The following STK11 variants were observed in gnomAD, a reference collection of about 807,000 sequenced individuals.
STK11 encodes the protein serine/threonine kinase 11.
STK11 carries 8 observed loss-of-function variants against 47.3 expected under a neutral mutation model. The ratio of observed to expected loss-of-function variants is 0.17; its 90% CI spans 0.10 to 0.31. The LOEUF (loss-of-function observed/expected upper bound fraction) is 0.31, where lower values mean the gene tolerates loss of function less well. Among genes scored for constraint, STK11 ranks in the 10% least tolerant of loss-of-function variants. The pLI is 1.00. For synonymous variants in STK11, 330 were observed against 255.8 expected (o/e 1.29, Z -2.77); for missense variants, 475 against 605.0 (o/e 0.79, Z 2.25).
chr19:1,213,451 G>A (rs966355571), intron 1 of STK11, among the ~76,000 whole-genome samples: 7 of 152,126 alleles, frequency 4.6e-5, no homozygotes, highest in African/African-American at 9.7e-5. Flanking sequence ...CCCCAGTCCC[G>A]GCACCCACGC....
chr19:1,224,092 A>C, intron 8 of STK11: 11 of 994,444 alleles, frequency 1.1e-5, no homozygotes, highest in Non-Finnish European at 1.3e-5. Context: ...GTCCCTCAGC[A>C]CTCCTGGGCC....
intron 8 of STK11, chr19:1,224,983 TCTG>T: frequency 1.0e-6 from 1 of 985,608 alleles, no homozygotes; most frequent in Non-Finnish European, 1.2e-6. Flanking sequence ...TCCTCTGCGC[TCTG>T]CCGGGGCTGC....
In STK11 at chr19:1,226,582, C is replaced by G. The variant is rs1386678110; in HGVS notation, c.1237C>G (p.Pro413Ala). 1 of 1,578,618 alleles carries G rather than the reference C, an allele frequency of 6.3e-7. No homozygotes were observed. The highest frequency in any genetic ancestry group is 2.3e-5 in the East Asian group (1 of 42,694). ...CAGGGCGGAGGGCCGGGCCCCCAAC[C>G]CTGCCCGCAAGGCCTGCTCCGCCAG... The part of the protein sequence containing the change: ...KSRAEGRAPN[P>A]ARKACSASSK... Residue 413 changes from proline (P) to alanine (A), a missense_variant, in exon 9 of 10, where the codon CCT (proline) becomes GCT (alanine). This residue lies in a region of STK11 where 219 missense variants were observed against 189.2 expected (regional missense o/e 1.16). Coordinates refer to ENST00000326873, the MANE Select transcript of STK11 (RefSeq NM_000455.5).
intron 8 of STK11, chr19:1,226,087 C>A (rs1174421394): frequency 9.2e-7 from 1 of 1,085,578 alleles, no homozygotes; most frequent in East Asian, 7.4e-5. Context: ...GCCTCTAGAA[C>A]CAACCATGGG....
Position 1,221,961 on chromosome 19 carries a change from A to T in STK11, c.875A>T (p.Tyr292Phe), listed in dbSNP as rs587780011. Residue 292 changes from tyrosine (Y) to phenylalanine (F), a missense_variant, in exon 7 of 10, where the codon TAC (tyrosine) becomes TTC (phenylalanine). Tyr to Phe is a conservative substitution (Grantham distance 22). This residue lies in a region of STK11 where 130 missense variants were observed against 239.7 expected (regional missense o/e 0.54). Coordinates refer to ENST00000326873, the MANE Select transcript of STK11 (RefSeq NM_000455.5). ...LSDLLKGMLE[Y>F]EPAKRFSIRQ... ...GGCTTCTCCTCAGGGATGCTTGAGT[A>T]CGAACCGGCCAAGAGGTTCTCCATC... is the stretch of plus-strand genomic sequence containing the variant. The T allele has an allele frequency of 3.8e-6, 6 of 1,562,262 alleles. No homozygotes were observed. The highest frequency in any genetic ancestry group is 5.2e-6 in the Non-Finnish European group (6 of 1,154,068).
At chr19:1,211,399 T>C (rs943411942) in intron 1 of STK11, among the ~76,000 whole-genome samples, 54 of 151,410 alleles carry the variant, frequency 3.6e-4, no homozygotes, top group Admixed American at 1.3e-4. Flanking sequence ...CCAGCCCGAC[T>C]CCCCGTGCTT....
chr19:1,208,244 T>G (rs1336809324), intron 1 of STK11, among the ~76,000 whole-genome samples: 1 of 150,988 alleles, frequency 6.6e-6, no homozygotes, highest in Non-Finnish European at 1.5e-5. Context: ...TCAGGGGCCC[T>G]GGGGCTCCTG....
At chr19:1,207,316 G>A (rs2080674990) in intron 1 of STK11, 113 bp downstream of exon 1, 4 of 1,392,794 alleles carry the variant, frequency 2.9e-6, no homozygotes, top group Non-Finnish European at 3.9e-6. Flanking sequence ...AACACCCTGA[G>A]CTGGACCCGT....
chr19:1,224,775 A>T (rs982862173), intron 8 of STK11: 2 of 985,472 alleles, frequency 2.0e-6, no homozygotes, highest in African/African-American at 3.5e-5. Flanking sequence ...AGGAGTACCC[A>T]GCAGGGGGAA....
rs765010137 is a variant in STK11 at position 1,220,358 on chromosome 19, G to T, written c.465-15G>T. ...GGGAGGCCTCGGCCCCAGGACGGGT[G>T]TGTGCTGCCCGCAGGTACTTCTGTC... On this transcript the variant is annotated splice_polypyrimidine_tract_variant and intron_variant, in intron 3 of 9. Coordinates refer to ENST00000326873, the MANE Select transcript of STK11 (RefSeq NM_000455.5). 4 of 1,593,782 alleles carry T rather than the reference G, an allele frequency of 2.5e-6. No individual in the cohort carries two copies. Among genetic ancestry groups the T allele is most frequent in the Non-Finnish European group, 3.4e-6 (4 of 1,170,678 alleles).
At chr19:1,207,499 C>T (rs1224874174) in intron 1 of STK11, among the ~76,000 whole-genome samples, 1 of 152,194 alleles carries the variant, frequency 6.6e-6, no homozygotes, top group African/African-American at 2.4e-5. Context: ...GCCCCCAATC[C>T]CCTAAGACTA....
intron 1 of STK11, among the ~76,000 whole-genome samples, chr19:1,208,704 GC>G (rs1341262834): frequency 3.3e-5 from 4 of 121,182 alleles, no homozygotes; most frequent in Admixed American, 2.2e-4. Flanking sequence ...TGCAATCTCC[GC>G]CCCCTGGGTT....
chr19:1,219,751 T>C (rs1016235455), intron 3 of STK11, among the ~76,000 whole-genome samples: 4 of 152,154 alleles, frequency 2.6e-5, no homozygotes, highest in Non-Finnish European at 4.4e-5. Context: ...TTCACCGTGT[T>C]AGCCAGGATG....
rs1446789323 is a variant in STK11 at position 1,220,457 on chromosome 19, G to C, written c.549G>C (p.Leu183=). ...AGGACATCAAGCCGGGGAACCTGCT[G>C]CTCACCACCGGTGGCACCCTCAAAA... ...VHKDIKPGNL[L]LTTGGTLKIS... is the part of the protein sequence containing the mutation. The change falls in exon 4 of 10, where the codon CTG becomes CTC. Residue 183 remains leucine (L), a synonymous_variant. Coordinates refer to ENST00000326873, the MANE Select transcript of STK11 (RefSeq NM_000455.5). 1 of 1,607,164 alleles carries C rather than the reference G, an allele frequency of 6.2e-7. No individual in the cohort carries two copies.
chr19:1,225,564 C>T (rs999678895), intron 8 of STK11: 6 of 985,466 alleles, frequency 6.1e-6, no homozygotes, highest in African/African-American at 3.5e-5. Flanking sequence ...CCACCGCGAC[C>T]GGCCCAAGGT....
chr19:1,214,336 C>G (rs553538615), intron 1 of STK11, among the ~76,000 whole-genome samples: 2 of 152,190 alleles, frequency 1.3e-5, no homozygotes, highest in African/African-American at 4.8e-5. Flanking sequence ...TGCCTTGGTC[C>G]CTTTTAATTA....
chr19:1,213,408 C>G (rs950528045), intron 1 of STK11, among the ~76,000 whole-genome samples: 1 of 152,184 alleles, frequency 6.6e-6, no homozygotes, highest in Non-Finnish European at 1.5e-5. Flanking sequence ...AGAAGGAAAC[C>G]CCGTCTCTGT....
intron 8 of STK11, chr19:1,225,703 A>G (rs1356496208): frequency 4.1e-6 from 4 of 985,430 alleles, no homozygotes; most frequent in Non-Finnish European, 4.8e-6. Flanking sequence ...GCTCTGGGGC[A>G]GCCCGGGGCG....
At chr19:1,208,146 G>T (rs2080681532) in intron 1 of STK11, among the ~76,000 whole-genome samples, 3 of 152,088 alleles carry the variant, frequency 2.0e-5, no homozygotes, top group African/African-American at 7.2e-5. Flanking sequence ...TCGAGGGACT[G>T]GCAAGGACAC....
Sources: allele counts gnomAD v4.1 joint callset (sites outside exome capture counted in the v4.1 genomes callset), GRCh38; gene constraint gnomAD v4.1.1; regional missense constraint gnomAD v4.1.1; transcripts MANE v1.5; gene names NCBI Gene and HGNC (gene_info 2026-07-23, HGNC 2026-07-21).